The following CACNB2 variants were observed in gnomAD, a reference collection of about 807,000 sequenced individuals.
CACNB2 encodes the protein calcium voltage-gated channel auxiliary subunit beta 2.
Under a neutral mutation model 73.3 loss-of-function variants are expected in CACNB2, and 42 were observed. The ratio of observed to expected loss-of-function variants is 0.57; its 90% CI spans 0.45 to 0.74. CACNB2 has a LOEUF of 0.74. Ranked by LOEUF, CACNB2 falls within the 30% of genes least tolerant of loss-of-function variation. The pLI is 0.00. For missense variants in CACNB2, 940 were observed against 853.0 expected (o/e 1.10, Z -1.27); for synonymous variants, 348 against 310.3 (o/e 1.12, Z -1.28).
At chr10:18,351,003 G>T (rs189584914) in intron 2 of CACNB2, among the ~76,000 whole-genome samples, 52 of 152,186 alleles carry the variant, frequency 3.4e-4, no homozygotes, top group Middle Eastern at 3.4e-3. Flanking sequence ...TGATCAACTA[G>T]AATTTTTTTA....
chr10:18,482,591 A>C (rs935447871), intron 3 of CACNB2, among the ~76,000 whole-genome samples: 3 of 152,000 alleles, frequency 2.0e-5, no homozygotes, highest in Non-Finnish European at 1.5e-5. Context: ...GTTCACTGCA[A>C]CCTCCACCTC....
chr10:18,538,571 G>A (rs944327583), intron 13 of CACNB2, among the ~76,000 whole-genome samples: 12 of 152,156 alleles, frequency 7.9e-5, no homozygotes, highest in East Asian at 1.9e-4. Context: ...ACAGACTACC[G>A]AAACTTTCTA....
At chr10:18,303,357 T>G (rs969956660) in intron 2 of CACNB2, among the ~76,000 whole-genome samples, 12 of 151,996 alleles carry the variant, frequency 7.9e-5, no homozygotes, top group African/African-American at 2.4e-4. Flanking sequence ...AATTAAAAGT[T>G]AGTCAAGTAT....
chr10:18,324,686 T>C (rs1370205248), intron 2 of CACNB2, among the ~76,000 whole-genome samples: 1 of 152,198 alleles, frequency 6.6e-6, no homozygotes, highest in African/African-American at 2.4e-5. Context: ...CGAAACCTCG[T>C]CTCTACTGAA....
At chr10:18,505,141 C>T (rs2050418820) in intron 5 of CACNB2, among the ~76,000 whole-genome samples, 1 of 151,224 alleles carries the variant, frequency 6.6e-6, no homozygotes, top group Admixed American at 6.6e-5. Flanking sequence ...TCACCATTTG[C>T]AGCATTTGTC....
intron 2 of CACNB2, among the ~76,000 whole-genome samples, chr10:18,196,727 C>G (rs1160601488): frequency 1.3e-5 from 2 of 152,172 alleles, no homozygotes; most frequent in Non-Finnish European, 2.9e-5. Context: ...CATCTTCCTT[C>G]CAAAGGGGGT....
chr10:18,261,325 T>A lies in CACNB2; in HGVS notation c.213+110350T>A, dbSNP rs149836040. ...CGAGTACGGGTGTCCTATGTAAGTT[T>A]CTATTGCTGTAGAATTGCAGCTGGG... is the stretch of plus-strand genomic sequence containing the variant. On this transcript the variant is annotated intron_variant, in intron 2 of 13. Coordinates refer to ENST00000324631, the MANE Select transcript of CACNB2 (RefSeq NM_201596.3). 3.9e-6 allele frequency: 6 copies of A among 1,551,600 alleles called. No homozygotes were observed. In the African/African-American group the frequency reaches 6.8e-5, roughly 18 times the overall value.
At chr10:18,237,867 A>T (rs10828333) in intron 2 of CACNB2, among the ~76,000 whole-genome samples, 1 of 152,040 alleles carries the variant, frequency 6.6e-6, no homozygotes, top group South Asian at 2.1e-4. Context: ...AAAGGTAGGC[A>T]GGAATTAGCC....
intron 5 of CACNB2, among the ~76,000 whole-genome samples, chr10:18,502,282 T>G (rs1413117232): frequency 6.7e-6 from 1 of 148,892 alleles, no homozygotes; most frequent in African/African-American, 2.5e-5. Flanking sequence ...CATTCCAGCC[T>G]GGGCGACAGA....
intron 2 of CACNB2, among the ~76,000 whole-genome samples, chr10:18,356,373 C>T (rs1020911674): frequency 2.6e-5 from 4 of 152,298 alleles, no homozygotes; most frequent in Non-Finnish European, 4.4e-5. Flanking sequence ...TCACTTTCTC[C>T]AGCAAGCCAA....
chr10:18,508,070 C>A (rs1490468790), intron 6 of CACNB2, among the ~76,000 whole-genome samples: 1 of 152,108 alleles, frequency 6.6e-6, no homozygotes, highest in Non-Finnish European at 1.5e-5. Flanking sequence ...CCACCATGCC[C>A]AGCCATTGGC....
At chr10:18,276,638 G>C (rs1399580982) in intron 2 of CACNB2, among the ~76,000 whole-genome samples, 2 of 152,090 alleles carry the variant, frequency 1.3e-5, no homozygotes, top group African/African-American at 2.4e-5. Context: ...AAGTGAAGTG[G>C]TGTGATCTTG....
Position 18,536,247 on chromosome 10 carries a change from T to TC in CACNB2, c.1302+51_1302+52insC, listed in dbSNP as rs35936908. The TC allele has an allele frequency of 1.4e-3, 672 of 486,366 alleles. 39 individuals are homozygous for TC. The highest frequency in any genetic ancestry group is 4.5e-3 in the South Asian group (209 of 46,790). 30.1% of individuals were successfully genotyped at this position (486,366 alleles called of 1,614,324 possible). On this transcript the variant is annotated intron_variant, in intron 12 of 13. Coordinates refer to ENST00000324631, the MANE Select transcript of CACNB2 (RefSeq NM_201596.3). The stretch of plus-strand genomic sequence containing the variant: ...ATCCAGTTACAGAGATCAGACCTTT[T>TC]TTTTTTTTTTTTTTTTTTTTTTTTT...
At chr10:18,225,881 C>T (rs2035972939) in intron 2 of CACNB2, among the ~76,000 whole-genome samples, 1 of 152,164 alleles carries the variant, frequency 6.6e-6, no homozygotes, top group Non-Finnish European at 1.5e-5. Flanking sequence ...CTTAAGTGAT[C>T]CTCCTGCCTC....
intron 2 of CACNB2, chr10:18,261,064 A>G: frequency 7.1e-7 from 1 of 1,402,510 alleles, no homozygotes; most frequent in South Asian, 1.5e-5. Flanking sequence ...CCAAAAAAAG[A>G]CAAACAGGGG....
At chr10:18,236,026 C>T (rs1242531531) in intron 2 of CACNB2, among the ~76,000 whole-genome samples, 1 of 152,148 alleles carries the variant, frequency 6.6e-6, no homozygotes, top group Non-Finnish European at 1.5e-5. Flanking sequence ...TTCCCTTCTG[C>T]CATGATTGTA....
Position 18,163,500 on chromosome 10 carries a change from C to T in CACNB2, c.213+12525C>T, listed in dbSNP as rs529298087. ...ATGGGCATGAGGCACTAAGTCTTCG[C>T]CCCTGAGCCAGGACTTTGGCAATAC... is the stretch of plus-strand genomic sequence containing the variant. On this transcript the variant is annotated intron_variant, in intron 2 of 13. Transcript: ENST00000324631. Among the ~76,000 whole-genome samples, 3 of 152,208 alleles carry T rather than the reference C, an allele frequency of 2.0e-5. No homozygotes were observed. In the South Asian group the frequency reaches 6.2e-4, roughly 32 times the overall value.
intron 9 of CACNB2, among the ~76,000 whole-genome samples, chr10:18,520,793 C>T (rs187735963): frequency 3.6e-4 from 55 of 152,326 alleles, no homozygotes; most frequent in African/African-American, 1.3e-3. Context: ...TTTGCAGTTC[C>T]TTCTGCTAGG....
At chr10:18,245,027 G>A (rs1009894910) in intron 2 of CACNB2, among the ~76,000 whole-genome samples, 3 of 152,020 alleles carry the variant, frequency 2.0e-5, no homozygotes, top group Admixed American at 2.0e-4. Flanking sequence ...GCTAACAGAT[G>A]GAAAAGGCAA....
Sources: gnomAD v4.1 joint callset for allele counts (sites outside exome capture counted in the v4.1 genomes callset) on GRCh38, gnomAD v4.1.1 for gene constraint, MANE v1.5 for transcripts, NCBI Gene and HGNC (gene_info 2026-07-23, HGNC 2026-07-21) for gene names.